Variants in YPEL1 observed in about 807,000 individuals in gnomAD.
YPEL1 encodes yippee like 1, also known as protein yippee-like 1.
A neutral mutation model predicts 17.3 loss-of-function variants in YPEL1; 7 were observed. The ratio of observed to expected loss-of-function variants is 0.40; its 90% CI spans 0.23 to 0.76. The LOEUF (loss-of-function observed/expected upper bound fraction) is 0.76. YPEL1 is among the 30% of genes least tolerant of loss of function. The pLI is 0.35. For synonymous variants in YPEL1, 59 were observed against 59.6 expected, an observed-to-expected ratio of 0.99 and a Z score of 0.05; for missense variants, 91 against 155.5, an observed-to-expected ratio of 0.59 and a Z score of 2.21.
At chr22:21,721,354 G>A (rs546314343) in intron 1 of YPEL1, among the ~76,000 whole-genome samples, 34 of 151,794 alleles carry the variant, frequency 2.2e-4, no homozygotes, top group Admixed American at 5.3e-4. Context: ...TCCTGACCTC[G>A]TGATCTGCCC....
intron 1 of YPEL1, among the ~76,000 whole-genome samples, chr22:21,720,806 C>T (rs2068273814): frequency 7.0e-6 from 1 of 143,880 alleles, no homozygotes; most frequent in East Asian, 2.0e-4. Flanking sequence ...CATGCCTGGC[C>T]GATTTTGTTT....
At chr22:21,718,299 T>C (rs2068247935) in intron 1 of YPEL1, among the ~76,000 whole-genome samples, 1 of 151,454 alleles carries the variant, frequency 6.6e-6, no homozygotes, top group East Asian at 1.9e-4. Context: ...CCATCTCTAC[T>C]AAAAATACAA....
At position 21,734,406 on chromosome 22, in the gene YPEL1, C is replaced by G. The variant is rs570901903; in HGVS notation, c.-165+1209G>C. 7.9e-5 allele frequency among the ~76,000 whole-genome samples: 12 copies of G among 152,278 alleles called. No homozygotes were observed. The South Asian group carries it at 2.5e-3, about 32-fold the overall frequency. ...GTAGGATATATTGGGATTGTCTGTA[C>G]TATCTTTGCAACCTTTATGTAAATT... On this transcript the variant is annotated intron_variant, in intron 1 of 4. Coordinates refer to ENST00000339468, the MANE Select transcript of YPEL1 (RefSeq NM_013313.5).
chr22:21,709,364 C>G (rs1480990216), intron 2 of YPEL1, among the ~76,000 whole-genome samples: 1 of 152,242 alleles, frequency 6.6e-6, no homozygotes, highest in Non-Finnish European at 1.5e-5. Flanking sequence ...AGAGCAGAAA[C>G]TCTGCCTCGT....
Position 21,704,273 on chromosome 22 carries a change from G to A in YPEL1, c.118-391C>T, listed in dbSNP as rs553023494. 1.3e-4 allele frequency: 89 copies of A among 694,126 alleles called. No individual in the cohort carries two copies. The East Asian group carries it at 2.1e-3, about 17-fold the overall frequency. The allele number at this position is 694,126 out of a possible 1,614,324, so 43.0% of individuals were successfully genotyped here. Reference sequence around the variant, plus strand: ...AGATCCTCAAAATGCTCTCCTCGCCGCCTCTTCTGCAGCAGTTCAGATGTG... The same window carrying A: ...AGATCCTCAAAATGCTCTCCTCGCCACCTCTTCTGCAGCAGTTCAGATGTG... On this transcript the variant is annotated intron_variant, in intron 2 of 4. Transcript: ENST00000339468.
chr22:21,711,694 T>C (rs905750550), intron 1 of YPEL1, among the ~76,000 whole-genome samples: 8 of 152,186 alleles, frequency 5.3e-5, no homozygotes, highest in Non-Finnish European at 1.0e-4. Context: ...AGTTGGACTC[T>C]TACCTAACAC....
intron 1 of YPEL1, among the ~76,000 whole-genome samples, chr22:21,717,376 CA>C (rs751720152): frequency 0.016 from 1,007 of 61,464 alleles, 5 homozygotes; most frequent in Middle Eastern, 0.035. Flanking sequence ...TAGTCCGTCT[CA>C]AAAAAAAAAA....
At chr22:21,702,544 G>A (rs374094957) in intron 4 of YPEL1, among the ~76,000 whole-genome samples, 1 of 152,108 alleles carries the variant, frequency 6.6e-6, no homozygotes, top group Admixed American at 6.5e-5. Flanking sequence ...GCTCACGCCT[G>A]TAATCCCAGC....
chr22:21,728,111 G>C (rs1342207973), intron 1 of YPEL1, among the ~76,000 whole-genome samples: 1 of 152,206 alleles, frequency 6.6e-6, no homozygotes, highest in Non-Finnish European at 1.5e-5. Context: ...CATAAAGAAA[G>C]TGGAACCAGG....
intron 1 of YPEL1, among the ~76,000 whole-genome samples, chr22:21,712,063 A>G (rs2068171478): frequency 6.6e-6 from 1 of 152,122 alleles, no homozygotes; most frequent in Admixed American, 6.6e-5. Context: ...GGTCCCAGCT[A>G]CTTGGGATAG....
intron 1 of YPEL1, among the ~76,000 whole-genome samples, chr22:21,724,400 G>C (rs1182398335): frequency 2.6e-5 from 4 of 151,964 alleles, no homozygotes; most frequent in Non-Finnish European, 5.9e-5. Flanking sequence ...AGCCATGCGT[G>C]GTGGCGGGCA....
At chr22:21,727,722 G>C (rs2068348508) in intron 1 of YPEL1, among the ~76,000 whole-genome samples, 2 of 152,180 alleles carry the variant, frequency 1.3e-5, no homozygotes, top group Admixed American at 6.5e-5. Flanking sequence ...AGTGCAGACT[G>C]GGGTGCCCCC....
chr22:21,735,770 C>T lies in YPEL1; in HGVS notation c.-320G>A, dbSNP rs1367036124. 1 of 150,780 alleles carries T rather than the reference C, an allele frequency of 6.6e-6. No individual in the cohort carries two copies. The highest frequency in any genetic ancestry group is 1.5e-5 in the Non-Finnish European group (1 of 67,576). 9.3% of individuals were successfully genotyped at this position (150,780 alleles called of 1,614,324 possible). A position where few individuals can be genotyped will look rare whatever the true frequency, so the allele number is the denominator to read the frequency against. ...GCGAGGCATCCTCCCGCCGCCGCCC[C>T]GCGGGCCGCCTGCCCTTTGTTTTGG... On this transcript the variant is annotated 5_prime_UTR_variant, in exon 1 of 5. Transcript: ENST00000339468.
At chr22:21,714,116 G>A (rs2068198209) in intron 1 of YPEL1, among the ~76,000 whole-genome samples, 2 of 151,978 alleles carry the variant, frequency 1.3e-5, no homozygotes, top group Admixed American at 1.3e-4. Context: ...TGACACCCAG[G>A]ACGGCGTCTG....
At chr22:21,716,300 C>T (rs1474610945) in intron 1 of YPEL1, among the ~76,000 whole-genome samples, 4 of 152,282 alleles carry the variant, frequency 2.6e-5, no homozygotes, top group Admixed American at 6.5e-5. Flanking sequence ...TTGGACCAGC[C>T]CTCCCACTGA....
At chr22:21,702,530 G>A (rs146465404) in intron 4 of YPEL1, among the ~76,000 whole-genome samples, 146 of 152,234 alleles carry the variant, frequency 9.6e-4, no homozygotes, top group African/African-American at 2.8e-3. Flanking sequence ...GGCCGGGCGC[G>A]GTGGCTCACG....
intron 1 of YPEL1, among the ~76,000 whole-genome samples, chr22:21,714,039 C>T (rs901691063): frequency 2.0e-5 from 3 of 152,166 alleles, no homozygotes; most frequent in Admixed American, 2.0e-4. Flanking sequence ...GAGATGCACC[C>T]CCCACCGCCC....
At chr22:21,721,168 G>C (rs1486586229) in intron 1 of YPEL1, among the ~76,000 whole-genome samples, 6 of 151,844 alleles carry the variant, frequency 4.0e-5, no homozygotes, top group Non-Finnish European at 5.9e-5. Context: ...CTGTTGCCCA[G>C]GCTGGAGTGC....
At chr22:21,704,105 G>A (rs1189752476) in intron 2 of YPEL1, 1 of 719,400 alleles carries the variant, frequency 1.4e-6, no homozygotes, top group Admixed American at 2.0e-5. Context: ...TGATTCTGCT[G>A]CGTCAACATT....
Sources: allele counts gnomAD v4.1 joint callset (sites outside exome capture counted in the v4.1 genomes callset), GRCh38; gene constraint gnomAD v4.1.1; transcripts MANE v1.5; gene names NCBI Gene and HGNC (gene_info 2026-07-23, HGNC 2026-07-21).